HECW2: variants seen among roughly 807,000 people sequenced by gnomAD.
HECW2 encodes E3 ubiquitin-protein ligase HECW2.
HECW2 carries 61 observed loss-of-function variants against 175.2 expected under a neutral mutation model. The ratio of observed to expected loss-of-function variants is 0.35; its 90% CI spans 0.28 to 0.43. The LOEUF (loss-of-function observed/expected upper bound fraction) is 0.43. HECW2 is among the 20% of genes least tolerant of loss of function. The pLI is 1.00. For synonymous variants in HECW2, 671 were observed against 731.0 expected (o/e 0.92, Z 1.32); for missense variants, 1,524 against 2,000.5 (o/e 0.76, Z 4.54).
chr2:196,331,977 T>C (rs536714410), intron 4 of HECW2, among the ~76,000 whole-genome samples: 66 of 152,334 alleles, frequency 4.3e-4, no homozygotes, highest in South Asian at 1.4e-3. Context: ...TAGTGAGTAA[T>C]GGCAGCCTTA....
chr2:196,287,839 A>G (rs1690448964), intron 14 of HECW2, among the ~76,000 whole-genome samples: 1 of 152,042 alleles, frequency 6.6e-6, no homozygotes, highest in East Asian at 1.9e-4. Context: ...CTCCTCCAAA[A>G]TCTCTTTTAA....
intron 19 of HECW2, among the ~76,000 whole-genome samples, chr2:196,252,178 A>AAATACTAATAATAATAAT (rs71410608): frequency 3.8e-5 from 5 of 133,250 alleles, no homozygotes; most frequent in Non-Finnish European, 7.9e-5. Flanking sequence ...CTCCGATTCA[A>AAATACTAATAATAATAAT]AATAATAATA....
At chr2:196,516,915 G>A (rs1043631672) in intron 1 of HECW2, among the ~76,000 whole-genome samples, 11 of 152,086 alleles carry the variant, frequency 7.2e-5, no homozygotes, top group African/African-American at 1.4e-4. Flanking sequence ...CCCATTCCTC[G>A]CAAGCTGTTA....
At chr2:196,538,985 A>G (rs1359835547) in intron 1 of HECW2, among the ~76,000 whole-genome samples, 1 of 152,244 alleles carries the variant, frequency 6.6e-6, no homozygotes, top group South Asian at 2.1e-4. Flanking sequence ...AGTGCTTCCA[A>G]CAGTGAGAAG....
chr2:196,444,534 A>AT (rs1467923945), intron 1 of HECW2, among the ~76,000 whole-genome samples: 2 of 152,290 alleles, frequency 1.3e-5, no homozygotes, highest in African/African-American at 4.8e-5. Context: ...ACATCATTTC[A>AT]TACCTAGACC....
rs572006864 is a variant in HECW2 at position 196,225,049 on chromosome 2, T to C, written c.4016+723A>G. ...GTATGAGCTGGACAGAGCCAAGTGA[T>C]AATTCAGTGCATTCTCATCGCAAAT... On this transcript the variant is annotated intron_variant, in intron 23 of 28. Transcript: ENST00000644978. Among the ~76,000 whole-genome samples, 3 of 152,362 alleles carry C rather than the reference T, an allele frequency of 2.0e-5. No individual in the cohort carries two copies. The South Asian group carries it at 6.2e-4, about 32-fold the overall frequency.
intron 21 of HECW2, chr2:196,239,166 A>G (rs10196714): frequency 0.97 from 148,480 of 152,372 alleles, 72,472 homozygotes; most frequent in East Asian, 1. Flanking sequence ...AAAGGCTCAG[A>G]TCTCATGCAA....
chr2:196,284,390 G>A lies in HECW2; in HGVS notation c.3001-5728C>T, dbSNP rs12622692. Among the ~76,000 whole-genome samples the A allele has an allele frequency of 4.6e-5, 7 of 152,180 alleles. No homozygotes were observed. The East Asian group carries it at 1.2e-3, about 25-fold the overall frequency. ...GTTTTTTACATCTGCCAAGTACTTA[G>A]GGGAAAAGTCTCAATTAAGACCTCC... On this transcript the variant is annotated intron_variant, in intron 14 of 28. Transcript: ENST00000644978.
intron 1 of HECW2, among the ~76,000 whole-genome samples, chr2:196,461,338 C>A (rs971000821): frequency 3.9e-5 from 6 of 152,088 alleles, no homozygotes; most frequent in African/African-American, 7.2e-5. Flanking sequence ...ACTAGGATGA[C>A]CAAAATTTAA....
chr2:196,234,867 T>C (rs1395386382), intron 21 of HECW2, among the ~76,000 whole-genome samples: 1 of 152,118 alleles, frequency 6.6e-6, no homozygotes, highest in Non-Finnish European at 1.5e-5. Context: ...ACTGCCGATC[T>C]CCCTTCCCCA....
At chr2:196,350,993 CT>C (rs1693151264) in intron 2 of HECW2, among the ~76,000 whole-genome samples, 1 of 152,090 alleles carries the variant, frequency 6.6e-6, no homozygotes, top group African/African-American at 2.4e-5. Context: ...ATTTCTTTAC[CT>C]TCCACAGTTC....
At chr2:196,361,797 T>G (rs569491117) in intron 2 of HECW2, 2 of 984,926 alleles carry the variant, frequency 2.0e-6, no homozygotes, top group Non-Finnish European at 2.4e-6. Context: ...TCCACAGCAC[T>G]TTCCAATATC....
intron 13 of HECW2, among the ~76,000 whole-genome samples, chr2:196,298,193 A>C (rs1037818993): frequency 1.3e-5 from 2 of 152,248 alleles, no homozygotes; most frequent in African/African-American, 4.8e-5. Context: ...GTATGACATT[A>C]ATTAGACAAA....
At chr2:196,501,338 C>T (rs990875240) in intron 1 of HECW2, among the ~76,000 whole-genome samples, 1 of 152,156 alleles carries the variant, frequency 6.6e-6, no homozygotes, top group Admixed American at 6.5e-5. Flanking sequence ...GGCTGGAGCA[C>T]AGTGGCGTGA....
At chr2:196,360,383 A>G (rs1345855412) in intron 2 of HECW2, among the ~76,000 whole-genome samples, 1 of 151,908 alleles carries the variant, frequency 6.6e-6, no homozygotes, top group Non-Finnish European at 1.5e-5. Context: ...GAATGAGATC[A>G]TGTATTTTGC....
chr2:196,351,266 A>G lies in HECW2; in HGVS notation c.293-7502T>C, dbSNP rs1368239243. On this transcript the variant is annotated intron_variant, in intron 2 of 28. Coordinates refer to ENST00000644978, the MANE Select transcript of HECW2 (RefSeq NM_001348768.2). ...TTTTTTTTCAAGTTCTTTCTTCCCCATAATATTCCACACACAGAGATGGGT... is the reference window on the plus strand; with the variant it reads ...TTTTTTTTCAAGTTCTTTCTTCCCCGTAATATTCCACACACAGAGATGGGT... 2.0e-5 allele frequency among the ~76,000 whole-genome samples: 3 copies of G among 152,112 alleles called. No individual in the cohort carries two copies. The East Asian group carries it at 5.8e-4, about 29-fold the overall frequency.
At chr2:196,462,516 T>A (rs916106051) in intron 1 of HECW2, among the ~76,000 whole-genome samples, 10 of 152,160 alleles carry the variant, frequency 6.6e-5, no homozygotes, top group Non-Finnish European at 1.5e-4. Flanking sequence ...GTGAACAGAA[T>A]CTTAAAACCT....
chr2:196,255,618 C>T (rs1217202416), intron 18 of HECW2, among the ~76,000 whole-genome samples: 1 of 152,154 alleles, frequency 6.6e-6, no homozygotes, highest in Admixed American at 6.5e-5. Context: ...CTCTACATTG[C>T]AGCTTACTGA....
intron 10 of HECW2, among the ~76,000 whole-genome samples, chr2:196,310,538 G>T (rs1691454802): frequency 6.6e-6 from 1 of 152,180 alleles, no homozygotes; most frequent in African/African-American, 2.4e-5. Context: ...ACTTTGCTGG[G>T]TACAACTGCT....
Sources: gnomAD v4.1 joint callset for allele counts (sites outside exome capture counted in the v4.1 genomes callset) on GRCh38, gnomAD v4.1.1 for gene constraint, MANE v1.5 for transcripts, NCBI Gene and HGNC (gene_info 2026-07-23, HGNC 2026-07-21) for gene names.